SUMF1: variants seen among roughly 807,000 people sequenced by gnomAD.
SUMF1 encodes the protein formylglycine-generating enzyme.
In SUMF1, 48 loss-of-function variants were observed where a neutral mutation model predicts 47.6. That is an observed-to-expected ratio of 1.01 (90% CI 0.80 to 1.28). The LOEUF is 1.28. Among genes scored for constraint, SUMF1 ranks in the 50% most tolerant of loss-of-function variants. The pLI, the probability that SUMF1 is intolerant of heterozygous loss-of-function variation, is 0.00. For synonymous variants in SUMF1, 230 were observed against 192.1 expected (o/e 1.20, Z -1.63); for missense variants, 571 against 485.4 (o/e 1.18, Z -1.66).
chr3:4,062,067 C>G (rs1293657468), intron 9 of SUMF1, among the ~76,000 whole-genome samples: 2 of 151,976 alleles, frequency 1.3e-5, no homozygotes, highest in East Asian at 3.9e-4. Context: ...GCCTGAACAG[C>G]ACCCCCTTCC....
rs375051894 is a variant in SUMF1 at position 4,380,953 on chromosome 3, C to T, written c.955-4564G>A. 1.2e-3 allele frequency among the ~76,000 whole-genome samples: 177 copies of T among 152,258 alleles called. 1 individual carries two copies. Among genetic ancestry groups the T allele is most frequent in the African/African-American group, 4.0e-3 (168 of 41,544 alleles). ...ATCCACTGGAGATGCCACAGAACCA[C>T]GTATCAGTGAGACTGGCTTGTTTGG... On this transcript the variant is annotated intron_variant, in intron 7 of 8. Transcript: ENST00000272902.
chr3:4,220,373 A>G (rs745882258), intron 8 of SUMF1, among the ~76,000 whole-genome samples: 1 of 152,156 alleles, frequency 6.6e-6, no homozygotes, highest in South Asian at 2.1e-4. Context: ...AGCGATGTCC[A>G]AAGCATTTCA....
chr3:4,294,721 T>C (rs984504997), intron 8 of SUMF1, among the ~76,000 whole-genome samples: 6 of 152,108 alleles, frequency 3.9e-5, no homozygotes, highest in Non-Finnish European at 7.4e-5. Context: ...GTAAAACATA[T>C]CTGTGTTTAC....
chr3:4,394,834 C>T (rs1380794935), intron 7 of SUMF1, among the ~76,000 whole-genome samples: 1 of 152,200 alleles, frequency 6.6e-6, no homozygotes, highest in Non-Finnish European at 1.5e-5. Flanking sequence ...AGAGCACTAG[C>T]TTCTCCTGTA....
intron 3 of SUMF1, among the ~76,000 whole-genome samples, chr3:4,445,391 A>G (rs1023298148): frequency 3.9e-5 from 6 of 152,196 alleles, no homozygotes; most frequent in Non-Finnish European, 5.9e-5. Context: ...AGCCTGGAGT[A>G]CAATGGTGCC....
chr3:4,073,199 G>T (rs571005710), intron 8 of SUMF1, among the ~76,000 whole-genome samples: 1 of 152,118 alleles, frequency 6.6e-6, no homozygotes, highest in Non-Finnish European at 1.5e-5. Flanking sequence ...TTAAAGAAAA[G>T]AATTTTCAAC....
chr3:4,077,211 G>C (rs1329109981), intron 8 of SUMF1, among the ~76,000 whole-genome samples: 1 of 152,088 alleles, frequency 6.6e-6, no homozygotes, highest in Non-Finnish European at 1.5e-5. Context: ...GTTGGTGGGA[G>C]TGTAAATTAG....
intron 7 of SUMF1, among the ~76,000 whole-genome samples, chr3:4,398,832 T>C (rs1333940357): frequency 6.6e-6 from 1 of 152,196 alleles, no homozygotes; most frequent in East Asian, 1.9e-4. Context: ...AGATGCCTGA[T>C]TTAACATATG....
chr3:4,072,504 G>C (rs537599098), intron 8 of SUMF1, among the ~76,000 whole-genome samples: 2 of 152,262 alleles, frequency 1.3e-5, no homozygotes, highest in South Asian at 4.2e-4. Flanking sequence ...ACAGAAGTAG[G>C]CTTCAGAAGG....
intron 8 of SUMF1, among the ~76,000 whole-genome samples, chr3:4,242,296 G>A (rs1290924491): frequency 6.6e-6 from 1 of 152,140 alleles, no homozygotes; most frequent in Non-Finnish European, 1.5e-5. Flanking sequence ...GCCCTGGTCA[G>A]AACTTCCAAT....
intron 9 of SUMF1, among the ~76,000 whole-genome samples, chr3:4,046,900 C>T (rs1333408654): frequency 2.6e-5 from 4 of 151,914 alleles, no homozygotes; most frequent in East Asian, 1.9e-4. Flanking sequence ...TCCCTTCCTT[C>T]GTAATTAAAT....
chr3:4,368,201 G>A (rs988489223), intron 8 of SUMF1, among the ~76,000 whole-genome samples: 1 of 152,208 alleles, frequency 6.6e-6, no homozygotes, highest in African/African-American at 2.4e-5. Flanking sequence ...CTTCTCAGAA[G>A]AAGACATTTG....
intron 8 of SUMF1, among the ~76,000 whole-genome samples, chr3:4,149,730 G>T (rs1357089827): frequency 6.6e-6 from 1 of 152,114 alleles, no homozygotes; most frequent in African/African-American, 2.4e-5. Context: ...GCAATTTGGG[G>T]TGAGGAAGAC....
intron 8 of SUMF1, among the ~76,000 whole-genome samples, chr3:4,198,045 T>TTC (rs1695466529): frequency 7.6e-6 from 1 of 130,974 alleles, no homozygotes; most frequent in African/African-American, 2.6e-5. Context: ...TTTTTTTTTT[T>TTC]CGGAAAGAGA....
intron 8 of SUMF1, among the ~76,000 whole-genome samples, chr3:4,285,080 T>G (rs13075522): frequency 6.6e-6 from 1 of 151,930 alleles, no homozygotes; most frequent in Admixed American, 6.6e-5. Flanking sequence ...CCATGAGTGC[T>G]GTTCTCCTGT....
At chr3:4,221,032 C>G (rs1428215964) in intron 8 of SUMF1, among the ~76,000 whole-genome samples, 1 of 152,144 alleles carries the variant, frequency 6.6e-6, no homozygotes, top group Non-Finnish European at 1.5e-5. Flanking sequence ...CTTCTTTAAT[C>G]AGGTCCAGTG....
chr3:4,318,556 C>T (rs1042390905), intron 8 of SUMF1, among the ~76,000 whole-genome samples: 1 of 152,174 alleles, frequency 6.6e-6, no homozygotes, highest in African/African-American at 2.4e-5. Context: ...TCCAAGCTCA[C>T]CACTTCTATT....
At chr3:4,418,183 G>A in intron 4 of SUMF1, 51 bp from the exon 5 acceptor site, 2 of 1,612,248 alleles carry the variant, frequency 1.2e-6, no homozygotes, top group Non-Finnish European at 1.7e-6. Context: ...AGAACAAGAA[G>A]CAGGAGCTGG....
chr3:4,249,427 C>T (rs1216404355), intron 8 of SUMF1, among the ~76,000 whole-genome samples: 3 of 151,940 alleles, frequency 2.0e-5, no homozygotes, highest in Non-Finnish European at 2.9e-5. Flanking sequence ...TGGTAATTCT[C>T]GCAATATTTC....
Sources: allele counts gnomAD v4.1 joint callset (sites outside exome capture counted in the v4.1 genomes callset), GRCh38; gene constraint gnomAD v4.1.1; transcripts MANE v1.5; gene names NCBI Gene and HGNC (gene_info 2026-07-23, HGNC 2026-07-21).